Variants in SRPK2 observed in about 807,000 individuals in gnomAD.
SRPK2 encodes SFRS protein kinase 2.
SRPK2 carries 21 observed loss-of-function variants against 90.8 expected under a neutral mutation model. The ratio of observed to expected loss-of-function variants is 0.23; its 90% confidence interval spans 0.16 to 0.33. The LOEUF is 0.33. Among genes scored for constraint, SRPK2 ranks in the 10% least tolerant of loss-of-function variants. The pLI, the probability that SRPK2 is intolerant of heterozygous loss-of-function variation, is 1.00. For synonymous variants in SRPK2, 288 were observed against 311.1 expected (o/e 0.93, Z 0.78); for missense variants, 620 against 869.0 (o/e 0.71, Z 3.60).
At chr7:105,145,400 G>C in intron 8 of SRPK2, 92 bp from the exon 9 acceptor site, 1 of 873,692 alleles carries the variant, frequency 1.1e-6, no homozygotes, top group Non-Finnish European at 1.7e-6. Flanking sequence ...AATAATTATT[G>C]TCTTTTAATG....
At chr7:105,145,156 G>T in intron 9 of SRPK2, 127 bp downstream of exon 9, 3 of 502,606 alleles carry the variant, frequency 6.0e-6, no homozygotes, top group Middle Eastern at 5.6e-4. Context: ...TTACCTATTT[G>T]AGGATACACA....
chr7:105,226,009 T>C (rs1204908339), intron 2 of SRPK2, among the ~76,000 whole-genome samples: 1 of 152,204 alleles, frequency 6.6e-6, no homozygotes, highest in African/African-American at 2.4e-5. Context: ...CAATGCTGCT[T>C]AGAGTTTAAA....
intron 2 of SRPK2, among the ~76,000 whole-genome samples, chr7:105,230,457 G>A (rs527629164): frequency 2.5e-4 from 38 of 152,200 alleles, no homozygotes; most frequent in Non-Finnish European, 2.4e-4. Context: ...ATAGAGAATA[G>A]GGAGATGGCA....
At chr7:105,288,906 A>G (rs1808549686) in intron 2 of SRPK2, among the ~76,000 whole-genome samples, 1 of 152,104 alleles carries the variant, frequency 6.6e-6, no homozygotes, top group Non-Finnish European at 1.5e-5. Context: ...ATAAAGAGGT[A>G]AGTATAAAAT....
intron 2 of SRPK2, among the ~76,000 whole-genome samples, chr7:105,345,005 A>G (rs568492934): frequency 6.6e-6 from 1 of 152,140 alleles, no homozygotes; most frequent in South Asian, 2.1e-4. Flanking sequence ...GGGTGATGGC[A>G]GCAGCCTGTA....
chr7:105,149,007 G>A (rs1220742910), intron 7 of SRPK2, among the ~76,000 whole-genome samples: 1 of 152,174 alleles, frequency 6.6e-6, no homozygotes, highest in Non-Finnish European at 1.5e-5. Context: ...TATTGTCCAA[G>A]GTTTCTCCCC....
intron 3 of SRPK2, among the ~76,000 whole-genome samples, chr7:105,170,863 GAAAGAAAGAAAGAAAGAA>G (rs1563025296): frequency 1.3e-5 from 1 of 78,384 alleles, no homozygotes; most frequent in East Asian, 3.9e-4. Context: ...AAGAAAGAAA[GAAAGAAAGAAAGAAAGAA>G]AGAAAGAAAG....
intron 2 of SRPK2, among the ~76,000 whole-genome samples, chr7:105,372,160 AAAG>A (rs1819776493): frequency 6.6e-6 from 1 of 150,968 alleles, no homozygotes; most frequent in African/African-American, 2.4e-5. Context: ...AAAAAAAAAA[AAAG>A]TTCTCTAGAA....
intron 2 of SRPK2, among the ~76,000 whole-genome samples, chr7:105,272,186 C>T (rs1430487820): frequency 6.6e-6 from 1 of 152,194 alleles, no homozygotes; most frequent in African/African-American, 2.4e-5. Context: ...CCCACTGTCT[C>T]CATGTATACA....
intron 2 of SRPK2, among the ~76,000 whole-genome samples, chr7:105,300,139 G>A (rs1172805614): frequency 4.0e-5 from 6 of 150,420 alleles, no homozygotes; most frequent in African/African-American, 1.5e-4. Context: ...TGTAGGCCCC[G>A]CTACTCAGGA....
chr7:105,240,925 T>C (rs1800735372), intron 2 of SRPK2, among the ~76,000 whole-genome samples: 1 of 152,232 alleles, frequency 6.6e-6, no homozygotes, highest in Admixed American at 6.5e-5. Flanking sequence ...CAATGTTTTA[T>C]TGTTATTATT....
In SRPK2 at chr7:105,170,977, G is replaced by GAAAGAAAGAA. The variant is rs749907215; in HGVS notation, c.230-1713_230-1712insTTCTTTCTTT. 3.1e-4 allele frequency among the ~76,000 whole-genome samples: 13 copies of GAAAGAAAGAA among 42,214 alleles called. 2 individuals carry two copies. The highest frequency in any genetic ancestry group is 1.2e-3 in the African/African-American group (12 of 10,008). The allele number at this position is 42,214 out of a possible 152,430, so 27.7% of individuals were successfully genotyped here. A position where few individuals can be genotyped will look rare whatever the true frequency, so the allele number is the denominator to read the frequency against. On this transcript the variant is annotated intron_variant, in intron 3 of 15. Transcript: ENST00000393651. ...AAAGAAAGAAAGAAAGAGAAAGAAA[G>GAAAGAAAGAA]AGAAAGAAAGAAAGAAAGAGAAAGA...
intron 2 of SRPK2, among the ~76,000 whole-genome samples, chr7:105,285,385 CAAAAAAAAAA>C (rs58399129): frequency 2.4e-4 from 26 of 106,204 alleles, no homozygotes; most frequent in African/African-American, 8.0e-4. Context: ...ACCCCGTCTC[CAAAAAAAAAA>C]AAAAAAAAAA....
chr7:105,203,855 T>G, intron 2 of SRPK2, 70 bp from the exon 3 acceptor site: 1 of 1,512,302 alleles, frequency 6.6e-7, no homozygotes. Flanking sequence ...ATTTGAGCAC[T>G]TCTTAATATG....
chr7:105,298,300 G>GT (rs1039289430), intron 2 of SRPK2, among the ~76,000 whole-genome samples: 1 of 152,130 alleles, frequency 6.6e-6, no homozygotes, highest in African/African-American at 2.4e-5. Context: ...CTTGCTGCAT[G>GT]TATTAGTAGT....
intron 2 of SRPK2, among the ~76,000 whole-genome samples, chr7:105,387,988 G>A (rs1821827558): frequency 6.6e-6 from 1 of 151,970 alleles, no homozygotes. Flanking sequence ...CCCGGCGCCC[G>A]CAGCGCACCC....
rs1275165550 is a variant in SRPK2, at chr7:105,282,273, G to C, written c.72-78488C>G. On this transcript the variant is annotated intron_variant, in intron 2 of 15. Coordinates refer to ENST00000393651, the MANE Select transcript of SRPK2 (RefSeq NM_182692.3). ...TAGACAACTGGATATTCACATGCAG[G>C]AGAATGAAGCCAGAGTTCCCCTTCA... Among the ~76,000 whole-genome samples, 7 of 152,268 alleles carry C rather than the reference G, an allele frequency of 4.6e-5. No individual in the cohort carries two copies. In the East Asian group the frequency reaches 1.2e-3, roughly 25 times the overall value.
intron 2 of SRPK2, among the ~76,000 whole-genome samples, chr7:105,275,843 T>C (rs192208441): frequency 1.1e-3 from 162 of 152,304 alleles, no homozygotes; most frequent in Middle Eastern, 6.8e-3. Context: ...GGGCATGATA[T>C]GCTCCTTTGT....
At chr7:105,203,986 T>G (rs1471115338) in intron 2 of SRPK2, among the ~76,000 whole-genome samples, 1 of 151,482 alleles carries the variant, frequency 6.6e-6, no homozygotes, top group Non-Finnish European at 1.5e-5. Flanking sequence ...AAAAAAAATC[T>G]GCCCTTATTA....
Sources: allele counts gnomAD v4.1 joint callset (sites outside exome capture counted in the v4.1 genomes callset), GRCh38; gene constraint gnomAD v4.1.1; transcripts MANE v1.5; gene names NCBI Gene and HGNC (gene_info 2026-07-23, HGNC 2026-07-21).